The following HPSE2 variants were observed in gnomAD, a reference collection of about 807,000 sequenced individuals.
HPSE2 encodes inactive heparanase-2.
A neutral mutation model predicts 60.5 loss-of-function variants in HPSE2; 38 were observed. That is an observed-to-expected ratio of 0.63 (90% CI 0.48 to 0.82). The LOEUF (loss-of-function observed/expected upper bound fraction) is 0.82. HPSE2 is among the 40% of genes least tolerant of loss of function. The pLI, the probability that HPSE2 is intolerant of heterozygous loss-of-function variation, is 0.00. For missense variants in HPSE2, 713 were observed against 740.4 expected, an observed-to-expected ratio of 0.96 and a Z score of 0.43; for synonymous variants, 295 against 293.2, an observed-to-expected ratio of 1.01 and a Z score of -0.06.
the HPSE2 span, among the ~76,000 whole-genome samples, chr10:99,313,530 A>G: frequency 2.3e-4 from 34 of 149,750 alleles, no homozygotes; most frequent in Admixed American, 3.3e-4. Flanking sequence ...AAAACAACAG[A>G]TTTAGAATAT....
At chr10:99,245,443 A>G in the HPSE2 span, among the ~76,000 whole-genome samples, 1 of 152,242 alleles carries the variant, frequency 6.6e-6, no homozygotes, top group Non-Finnish European at 1.5e-5. Context: ...AATTATTGGA[A>G]TCTATTCTAC....
chr10:98,544,419 A>G (rs1191902117), intron 9 of HPSE2, among the ~76,000 whole-genome samples: 12 of 152,298 alleles, frequency 7.9e-5, no homozygotes, highest in Non-Finnish European at 1.6e-4. Context: ...CAATTAAAAG[A>G]ACTAGAGAAG....
chr10:99,144,900 C>T (rs1357237793), intron 2 of HPSE2, among the ~76,000 whole-genome samples: 1 of 149,514 alleles, frequency 6.7e-6, no homozygotes, highest in Non-Finnish European at 1.5e-5. Context: ...TTAGAGCTGC[C>T]GATCTATGGC....
At chr10:98,870,302 G>A (rs553301656) in intron 3 of HPSE2, among the ~76,000 whole-genome samples, 1 of 152,264 alleles carries the variant, frequency 6.6e-6, no homozygotes, top group African/African-American at 2.4e-5. Context: ...GAGTCAGAAG[G>A]GTGTATGGCT....
At chr10:98,762,256 A>C (rs2134390722) in intron 3 of HPSE2, among the ~76,000 whole-genome samples, 1 of 133,166 alleles carries the variant, frequency 7.5e-6, no homozygotes, top group East Asian at 2.5e-4. Context: ...GCCTCTAAAG[A>C]AGTCCCAGTC....
At chr10:98,738,787 A>G (rs1949421512) in intron 4 of HPSE2, among the ~76,000 whole-genome samples, 1 of 152,250 alleles carries the variant, frequency 6.6e-6, no homozygotes, top group Non-Finnish European at 1.5e-5. Context: ...ATTTCATGCC[A>G]GTTAGAATTA....
Position 99,166,997 on chromosome 10 carries a change from TCC to T in HPSE2, c.449-22600_449-22599del, listed in dbSNP as rs201771699. On this transcript the variant is annotated intron_variant, in intron 2 of 11. Coordinates refer to ENST00000370552, the MANE Select transcript of HPSE2 (RefSeq NM_021828.5). ...ATACTTTCTTTTTTTCTTTTTTCTT[TCC>T]TTTTTGTTTGTTTGTTTGTTTGTTT... Among the ~76,000 whole-genome samples, 1,327 of 144,342 alleles carry T rather than the reference TCC, an allele frequency of 9.2e-3. 15 individuals carry two copies. Among genetic ancestry groups the T allele is most frequent in the African/African-American group, 0.032 (1,241 of 38,292 alleles). The allele number at this position is 144,342 out of a possible 152,430, so 94.7% of individuals were successfully genotyped here.
At chr10:98,807,755 G>T (rs1045974646) in intron 3 of HPSE2, among the ~76,000 whole-genome samples, 1 of 152,132 alleles carries the variant, frequency 6.6e-6, no homozygotes, top group Non-Finnish European at 1.5e-5. Context: ...GTAATAAAGA[G>T]TTCCTTATAT....
intron 3 of HPSE2, among the ~76,000 whole-genome samples, chr10:98,745,953 G>C (rs570490838): frequency 3.6e-4 from 54 of 152,102 alleles, no homozygotes; most frequent in African/African-American, 1.3e-3. Context: ...ATTATCATTG[G>C]GTTGAGTATT....
At chr10:99,150,302 G>A (rs762834665) in intron 2 of HPSE2, among the ~76,000 whole-genome samples, 4 of 152,126 alleles carry the variant, frequency 2.6e-5, no homozygotes, top group Non-Finnish European at 5.9e-5. Context: ...AGTTCTGGTT[G>A]AGACAAATGA....
At chr10:98,517,604 CT>C (rs1564933957) in intron 9 of HPSE2, among the ~76,000 whole-genome samples, 1 of 152,156 alleles carries the variant, frequency 6.6e-6, no homozygotes, top group Non-Finnish European at 1.5e-5. Flanking sequence ...ACTTAAGAAA[CT>C]TTTTTTCCAT....
chr10:98,750,730 T>G (rs1949739505), intron 3 of HPSE2, among the ~76,000 whole-genome samples: 1 of 151,868 alleles, frequency 6.6e-6, no homozygotes, highest in Admixed American at 6.6e-5. Flanking sequence ...ATGAAGGAAG[T>G]GTGAAAGATT....
intron 3 of HPSE2, among the ~76,000 whole-genome samples, chr10:98,905,464 TG>T (rs1564646104): frequency 2.0e-5 from 3 of 151,796 alleles, no homozygotes; most frequent in South Asian, 2.1e-4. Flanking sequence ...GGGTGAGAGG[TG>T]GGGGGAACAA....
intron 9 of HPSE2, among the ~76,000 whole-genome samples, chr10:98,533,843 C>A (rs74156631): frequency 0.095 from 14,444 of 152,140 alleles, 911 homozygotes; most frequent in African/African-American, 0.16. Context: ...GGAGAACATG[C>A]TGATTTTGTT....
At chr10:98,814,011 A>C (rs1207258755) in intron 3 of HPSE2, among the ~76,000 whole-genome samples, 2 of 152,164 alleles carry the variant, frequency 1.3e-5, no homozygotes, top group East Asian at 3.9e-4. Context: ...AAAAAAGGGG[A>C]AACTGAAGTC....
chr10:99,313,586 A>G, the HPSE2 span, among the ~76,000 whole-genome samples: 1 of 129,422 alleles, frequency 7.7e-6, no homozygotes, highest in South Asian at 2.5e-4. Context: ...GAGATGACTG[A>G]CTCCAATTTT....
intron 3 of HPSE2, among the ~76,000 whole-genome samples, chr10:99,065,903 T>C (rs908518309): frequency 6.6e-5 from 10 of 152,178 alleles, no homozygotes; most frequent in African/African-American, 2.4e-4. Flanking sequence ...GAATACTATT[T>C]CCCTCCCTTC....
chr10:99,280,644 C>G, the HPSE2 span, among the ~76,000 whole-genome samples: 1 of 152,144 alleles, frequency 6.6e-6, no homozygotes, highest in African/African-American at 2.4e-5. Flanking sequence ...TATTCAGTAC[C>G]TTCCCTACCT....
At chr10:98,926,073 G>A (rs1334651679) in intron 3 of HPSE2, among the ~76,000 whole-genome samples, 2 of 151,992 alleles carry the variant, frequency 1.3e-5, no homozygotes, top group Non-Finnish European at 2.9e-5. Context: ...GTAGAAGTAG[G>A]TGTCATTGCC....
Sources: allele counts gnomAD v4.1 joint callset (sites outside exome capture counted in the v4.1 genomes callset), GRCh38; gene constraint gnomAD v4.1.1; transcripts MANE v1.5; gene names NCBI Gene and HGNC (gene_info 2026-07-23, HGNC 2026-07-21).